ASPSCR1: variants seen among roughly 807,000 people sequenced by gnomAD.
ASPSCR1 encodes ASPSCR1 tether for SLC2A4, UBX domain containing.
In ASPSCR1, 55 loss-of-function variants were observed where a neutral mutation model predicts 68.9. The observed-to-expected ratio is 0.80, with a 90% CI of 0.64 to 1.00. ASPSCR1 has a LOEUF of 1.00. Ranked by LOEUF, ASPSCR1 falls within the 50% of genes least tolerant of loss-of-function variation. The pLI is 0.00. For missense variants in ASPSCR1, 765 were observed against 762.2 expected (o/e 1.00, Z -0.04); for synonymous variants, 352 against 332.6 (o/e 1.06, Z -0.63).
chr17:81,993,062 C>T (rs924132470), intron 4 of ASPSCR1, among the ~76,000 whole-genome samples: 2 of 152,162 alleles, frequency 1.3e-5, no homozygotes, highest in Non-Finnish European at 2.9e-5. Context: ...AAAATAAAGG[C>T]CACGAAACAA....
At chr17:82,013,527 G>A (rs2043022568) in intron 12 of ASPSCR1, 1 of 152,258 alleles carries the variant, frequency 6.6e-6, no homozygotes, top group Non-Finnish European at 1.5e-5. Context: ...GCTGAGGGAA[G>A]GAAGCCTGCC....
chr17:82,011,259 G>A, intron 10 of ASPSCR1, among the ~76,000 whole-genome samples: 1 of 151,656 alleles, frequency 6.6e-6, no homozygotes, highest in Non-Finnish European at 1.5e-5. Flanking sequence ...CAAGGTCACA[G>A]GGGCCTCCCC....
At chr17:81,994,728 C>CGG in intron 4 of ASPSCR1, 93 bp from the exon 5 acceptor site, 1 of 1,357,482 alleles carries the variant, frequency 7.4e-7, no homozygotes, top group Non-Finnish European at 1.0e-6. Context: ...GAGGGCCCCA[C>CGG]ACCTTTGCTT....
chr17:82,016,835 A>G lies in ASPSCR1; in HGVS notation c.1441A>G (p.Ile481Val). The G allele has an allele frequency of 6.2e-7, 1 of 1,611,746 alleles. No individual in the cohort carries two copies. The highest frequency in any genetic ancestry group is 8.5e-7 in the Non-Finnish European group (1 of 1,179,930). ...GGAGCCTGGCCTGCTGGAGCATGCC[A>G]TCTCCCCATCTGCGGCCGATGTGCT... ...YLEPGLLEHA[I>V]SPSAADVLVA... Residue 481 changes from isoleucine to valine, a missense_variant, in exon 14 of 16, where the codon ATC (isoleucine) becomes GTC (valine). Coordinates refer to ENST00000306739, the MANE Select transcript of ASPSCR1 (RefSeq NM_024083.4).
In ASPSCR1 at chr17:81,986,487, G is replaced by A. The variant is rs1222865243; in HGVS notation, c.374+880G>A. Reference sequence around the variant, plus strand: ...GTGTATCAGTTTCTGTCGGTTAATGGTTTAAACGTTGTTCCTGAATGTGTA... The same window carrying A: ...GTGTATCAGTTTCTGTCGGTTAATGATTTAAACGTTGTTCCTGAATGTGTA... On this transcript the variant is annotated intron_variant, in intron 4 of 15. Coordinates refer to ENST00000306739, the MANE Select transcript of ASPSCR1 (RefSeq NM_024083.4). This position sits in a 1 kb window ranked among gnomAD's most constrained non-coding sequence, Gnocchi z 5.2. Among the ~76,000 whole-genome samples the A allele has an allele frequency of 1.3e-5, 2 of 152,182 alleles. No individual in the cohort carries two copies. Among genetic ancestry groups the A allele is most frequent in the Non-Finnish European group, 2.9e-5 (2 of 68,032 alleles).
chr17:81,984,775 A>C (rs1273269698), intron 3 of ASPSCR1, among the ~76,000 whole-genome samples: 1 of 150,448 alleles, frequency 6.6e-6, no homozygotes, highest in African/African-American at 2.4e-5. Context: ...GCATGTACCC[A>C]CACACACCCA....
chr17:82,000,427 G>A (rs938464197), intron 7 of ASPSCR1, among the ~76,000 whole-genome samples: 6 of 152,172 alleles, frequency 3.9e-5, no homozygotes, highest in African/African-American at 7.2e-5. Flanking sequence ...GATGGAGGGC[G>A]TCCTGCCTGC....
At chr17:82,008,874 C>A in intron 7 of ASPSCR1, 163 bp from the exon 8 acceptor site, 2 of 1,016,808 alleles carry the variant, frequency 2.0e-6, no homozygotes, top group Non-Finnish European at 2.7e-6. Flanking sequence ...TGTGCCCAGC[C>A]CTGCCCCCAG....
chr17:81,983,097 G>A lies in ASPSCR1; in HGVS notation c.159-457G>A, dbSNP rs537392331. On this transcript the variant is annotated intron_variant, in intron 2 of 15. Coordinates refer to ENST00000306739, the MANE Select transcript of ASPSCR1 (RefSeq NM_024083.4). The surrounding 1 kb of genome is among the most constrained non-coding windows in gnomAD (Gnocchi z 4.4). ...GAACCTCAGGTGATCCGCCTGCCTCGGCCTCCGAAAGTGCTGGGATTACAG... is the reference window on the plus strand; with the variant it reads ...GAACCTCAGGTGATCCGCCTGCCTCAGCCTCCGAAAGTGCTGGGATTACAG... Among the ~76,000 whole-genome samples the A allele has an allele frequency of 3.9e-5, 6 of 152,268 alleles. No individual in the cohort carries two copies. The highest frequency in any genetic ancestry group is 7.4e-5 in the Non-Finnish European group (5 of 68,018).
intron 3 of ASPSCR1, 43 bp from the exon 4 acceptor site, chr17:81,985,463 TG>T: frequency 6.3e-7 from 1 of 1,580,642 alleles, no homozygotes; most frequent in Non-Finnish European, 8.7e-7. Flanking sequence ...AAGGAATAGT[TG>T]CTTTTCTTCC....
chr17:81,988,223 G>T (rs540832509), intron 4 of ASPSCR1, among the ~76,000 whole-genome samples: 20 of 151,722 alleles, frequency 1.3e-4, no homozygotes, highest in African/African-American at 4.1e-4. Context: ...CCCTTTGGGA[G>T]GCCGAGGTGG....
intron 3 of ASPSCR1, among the ~76,000 whole-genome samples, chr17:81,984,344 G>C (rs558556029): frequency 1.6e-4 from 24 of 152,038 alleles, no homozygotes; most frequent in African/African-American, 5.6e-4. Context: ...TTAGGAGGCC[G>C]AGGCGGGCAG....
intron 4 of ASPSCR1, among the ~76,000 whole-genome samples, chr17:81,991,021 C>T (rs2144027522): frequency 6.6e-6 from 1 of 152,212 alleles, no homozygotes; most frequent in African/African-American, 2.4e-5. Flanking sequence ...CTGCTGGGAG[C>T]AGGAAGAGAA....
intron 9 of ASPSCR1, 121 bp from the exon 10 acceptor site, chr17:82,010,681 C>A: frequency 9.6e-7 from 1 of 1,044,338 alleles, no homozygotes; most frequent in Non-Finnish European, 1.4e-6. Context: ...TTGGGGGTGG[C>A]TGCTTCTGCC....
At chr17:82,014,991 C>A in intron 12 of ASPSCR1, 1 of 1,417,018 alleles carries the variant, frequency 7.1e-7, no homozygotes, top group Non-Finnish European at 9.4e-7. Context: ...TGGGGAGAGG[C>A]CCCTCAGCCT....
At chr17:82,015,501 G>C in intron 12 of ASPSCR1, 1 of 1,107,224 alleles carries the variant, frequency 9.0e-7, no homozygotes, top group Middle Eastern at 3.0e-4. Context: ...GGGCAGTGCT[G>C]GTTGGGGGTC....
intron 7 of ASPSCR1, chr17:82,004,669 GCA>G (rs1055541874): frequency 3.6e-4 from 55 of 152,070 alleles, no homozygotes; most frequent in African/African-American, 1.3e-3. Flanking sequence ...GGGGAGCTCA[GCA>G]CACACAGCCC....
intron 12 of ASPSCR1, chr17:82,013,628 T>G (rs2043026867): frequency 6.6e-6 from 1 of 152,232 alleles, no homozygotes; most frequent in South Asian, 2.1e-4. Context: ...GCCTGGGGGA[T>G]GTCCAGGGGC....
At position 81,999,901 on chromosome 17, in the gene ASPSCR1, C is replaced by G. The variant is rs1331243017; in HGVS notation, c.933+3055C>G. ...AGCCCGGCGTCAGGGTCCAGCCCCT[C>G]TGTTTTCTGTCCCCCTGGCTGTCCT... On this transcript the variant is annotated intron_variant, in intron 7 of 15. Transcript: ENST00000306739. The surrounding 1 kb of genome is among the most constrained non-coding windows in gnomAD (Gnocchi z 4.4). Among the ~76,000 whole-genome samples, 2 of 152,212 alleles carry G rather than the reference C, an allele frequency of 1.3e-5. No homozygotes were observed. The highest frequency in any genetic ancestry group is 4.8e-5 in the African/African-American group (2 of 41,464).
Sources: allele counts gnomAD v4.1 joint callset (sites outside exome capture counted in the v4.1 genomes callset), GRCh38; gene constraint gnomAD v4.1.1; non-coding constraint Gnocchi (gnomAD v3.1); transcripts MANE v1.5; gene names NCBI Gene and HGNC (gene_info 2026-07-23, HGNC 2026-07-21).